KIAA0586: variants seen among roughly 807,000 people sequenced by gnomAD.
The protein encoded by KIAA0586 is KIAA0586.
A neutral mutation model predicts 169.8 loss-of-function variants in KIAA0586; 144 were observed. The ratio of observed to expected loss-of-function variants is 0.85; its 90% confidence interval spans 0.74 to 0.97. The LOEUF is 0.97. Among genes scored for constraint, KIAA0586 ranks in the 50% least tolerant of loss-of-function variants. The probability of loss-of-function intolerance (pLI) is 0.00; values close to 1 mark genes in which losing one functional copy is unlikely to be tolerated. For missense variants in KIAA0586, 1,854 were observed against 1,823.0 expected, an observed-to-expected ratio of 1.02 and a Z score of -0.31; for synonymous variants, 625 against 612.4, an observed-to-expected ratio of 1.02 and a Z score of -0.30.
chr14:58,436,591 G>C (rs145550876), intron 4 of KIAA0586, among the ~76,000 whole-genome samples: 1 of 152,032 alleles, frequency 6.6e-6, no homozygotes, highest in African/African-American at 2.4e-5. Context: ...ATGTAAATTG[G>C]AAATGTAATT....
Position 58,436,483 on chromosome 14 carries a change from A to C in KIAA0586, c.410+4026A>C, listed in dbSNP as rs1435266657. Among the ~76,000 whole-genome samples the C allele has an allele frequency of 2.0e-5, 3 of 152,236 alleles. No homozygotes were observed. The East Asian group carries it at 5.8e-4, about 29-fold the overall frequency. Reference sequence around the variant, plus strand: ...AGACTCAACATGTTCTTGGATGGGAAGACTAAGCGCTGTAAAAATACAAGT... The same window carrying C: ...AGACTCAACATGTTCTTGGATGGGACGACTAAGCGCTGTAAAAATACAAGT... On this transcript the variant is annotated intron_variant, in intron 4 of 30. Transcript: ENST00000652326.
chr14:58,482,588 ATTTT>A lies in KIAA0586; in HGVS notation c.3021_3024del (p.His1007GlnfsTer69). 6.2e-7 allele frequency: 1 copy of A among 1,605,236 alleles called. No homozygotes were observed. The highest frequency in any genetic ancestry group is 8.5e-7 in the Non-Finnish European group (1 of 1,175,236). Reference sequence around the variant, plus strand: ...CCTGTGAACTCAAATGTGATTAAACATTTTGTTAACGAAGCTCTTGCTGAGACCA... The same window carrying A: ...CCTGTGAACTCAAATGTGATTAAACAGTTAACGAAGCTCTTGCTGAGACCA... On this transcript the variant is annotated frameshift_variant, in exon 21 of 31. Coordinates refer to ENST00000652326, the MANE Select transcript of KIAA0586 (RefSeq NM_001329943.3). LOFTEE classifies it high-confidence loss of function.
chr14:58,530,716 TA>T (rs1324318997), intron 29 of KIAA0586, among the ~76,000 whole-genome samples: 1 of 152,056 alleles, frequency 6.6e-6, no homozygotes, highest in East Asian at 1.9e-4. Flanking sequence ...GACTTAAACA[TA>T]AGACCTAAAA....
At chr14:58,509,254 A>G (rs1379299618) in intron 28 of KIAA0586, among the ~76,000 whole-genome samples, 1 of 152,086 alleles carries the variant, frequency 6.6e-6, no homozygotes, top group East Asian at 1.9e-4. Context: ...CATAAAAATA[A>G]TATATATAAA....
chr14:58,430,973 A>G (rs2037318626), intron 3 of KIAA0586, among the ~76,000 whole-genome samples: 1 of 152,180 alleles, frequency 6.6e-6, no homozygotes, highest in Non-Finnish European at 1.5e-5. Context: ...TACGTTATAT[A>G]AGTAGAATCA....
At chr14:58,554,772 A>G (rs2047233729), downstream of KIAA0586, among the ~76,000 whole-genome samples, 1 of 152,164 alleles carries the variant, frequency 6.6e-6, no homozygotes, top group African/African-American at 2.4e-5. Flanking sequence ...TGTTTTTTCT[A>G]TAAACTTTTA....
intron 9 of KIAA0586, among the ~76,000 whole-genome samples, chr14:58,453,679 T>C (rs1033977130): frequency 1.2e-4 from 19 of 152,210 alleles, no homozygotes; most frequent in South Asian, 6.2e-4. Flanking sequence ...ATGCAGGTTA[T>C]TAATTTCTAA....
intron 16 of KIAA0586, among the ~76,000 whole-genome samples, chr14:58,469,738 A>G (rs2041055846): frequency 6.6e-6 from 1 of 152,234 alleles, no homozygotes; most frequent in Non-Finnish European, 1.5e-5. Context: ...AGAAATGTTC[A>G]AAGGACATGA....
intron 10 of KIAA0586, among the ~76,000 whole-genome samples, chr14:58,457,361 C>A (rs1483469214): frequency 1.3e-5 from 2 of 152,030 alleles, no homozygotes; most frequent in African/African-American, 4.8e-5. Flanking sequence ...CTCCACCTCC[C>A]GGTTCAAGCA....
Position 58,453,398 on chromosome 14 carries a change from C to A in KIAA0586, c.1178C>A (p.Thr393Lys). The A allele has an allele frequency of 6.9e-7, 1 of 1,452,372 alleles. No individual in the cohort carries two copies. Among genetic ancestry groups the A allele is most frequent in the Non-Finnish European group, 9.3e-7 (1 of 1,070,368 alleles). The allele number at this position is 1,452,372 out of a possible 1,614,324, so 90.0% of individuals were successfully genotyped here. A position where few individuals can be genotyped will look rare whatever the true frequency, so the allele number is the denominator to read the frequency against. ...ATTTTGAATAATAATGATTCTTTGA[C>A]AAGAAAAAGTGAATCATCAAACACC... The part of the protein sequence containing the change: ...EQILNNNDSL[T>K]RKSESSNTTS... Residue 393 changes from threonine to lysine, a missense_variant, in exon 9 of 31, where the codon ACA becomes AAA. Thr to Lys is a moderately conservative substitution (Grantham distance 78, BLOSUM62 -1). Transcript: ENST00000652326.
At chr14:58,451,848 T>C (rs1339019862) in intron 8 of KIAA0586, among the ~76,000 whole-genome samples, 5 of 152,056 alleles carry the variant, frequency 3.3e-5, no homozygotes, top group Admixed American at 1.3e-4. Flanking sequence ...CACGCCTGGC[T>C]AATTTTTTGT....
At chr14:58,489,530 AT>A (rs918586513) in intron 24 of KIAA0586, among the ~76,000 whole-genome samples, 12 of 148,726 alleles carry the variant, frequency 8.1e-5, no homozygotes, top group African/African-American at 9.8e-5. Context: ...TGAAACCTGA[AT>A]TTTTTTTTTT....
chr14:58,442,477 T>A (rs2038481302), intron 4 of KIAA0586, among the ~76,000 whole-genome samples: 1 of 152,212 alleles, frequency 6.6e-6, no homozygotes, highest in African/African-American at 2.4e-5. Context: ...TATGTTTAAT[T>A]CTTATTTTCC....
At chr14:58,530,585 A>G (rs1031386441) in intron 29 of KIAA0586, among the ~76,000 whole-genome samples, 1 of 152,244 alleles carries the variant, frequency 6.6e-6, no homozygotes, top group Admixed American at 6.5e-5. Flanking sequence ...GAAACAAGCA[A>G]TGGGGAAAGG....
At chr14:58,444,657 C>G (rs1400405646) in intron 6 of KIAA0586, among the ~76,000 whole-genome samples, 1 of 152,038 alleles carries the variant, frequency 6.6e-6, no homozygotes, top group African/African-American at 2.4e-5. Flanking sequence ...CTCCTGACCT[C>G]AAGTGATCTG....
intron 29 of KIAA0586, among the ~76,000 whole-genome samples, chr14:58,525,420 C>G (rs2045513559): frequency 6.6e-6 from 1 of 151,884 alleles, no homozygotes; most frequent in African/African-American, 2.4e-5. Context: ...CAAGCAGAAG[C>G]AGGGTGGGGC....
intron 28 of KIAA0586, among the ~76,000 whole-genome samples, chr14:58,509,718 T>A (rs983323861): frequency 1.3e-5 from 2 of 152,182 alleles, no homozygotes; most frequent in Non-Finnish European, 2.9e-5. Flanking sequence ...TAGTTAATAA[T>A]GAAAAAGTAT....
chr14:58,547,696 C>G, intron 30 of KIAA0586, 85 bp from the exon 31 acceptor site: 1 of 1,226,458 alleles, frequency 8.2e-7, no homozygotes, highest in African/African-American at 1.5e-5. Context: ...CCCCCCACCC[C>G]AACCTCATAT....
intron 12 of KIAA0586, among the ~76,000 whole-genome samples, chr14:58,459,603 C>G (rs2040163019): frequency 6.6e-6 from 1 of 151,878 alleles, no homozygotes; most frequent in Non-Finnish European, 1.5e-5. Context: ...CCCCTGCAAC[C>G]CTTCTATTAT....
Sources: allele counts gnomAD v4.1 joint callset (sites outside exome capture counted in the v4.1 genomes callset), GRCh38; gene constraint gnomAD v4.1.1; transcripts MANE v1.5; gene names NCBI Gene and HGNC (gene_info 2026-07-23, HGNC 2026-07-21).